Variants in SIK3 observed in about 807,000 individuals in gnomAD.
SIK3 encodes serine/threonine-protein kinase SIK3.
Under a neutral mutation model 144.2 loss-of-function variants are expected in SIK3, and 28 were observed. The ratio of observed to expected loss-of-function variants is 0.19; its 90% confidence interval spans 0.14 to 0.27. The LOEUF is 0.27. SIK3 is among the 10% of genes least tolerant of loss of function. SIK3 has a pLI of 1.00. For synonymous variants in SIK3, 686 were observed against 676.3 expected (o/e 1.01, Z -0.22); for missense variants, 1,319 against 1,776.0 (o/e 0.74, Z 4.62).
chr11:116,977,282 T>C (rs1430301068), intron 1 of SIK3, among the ~76,000 whole-genome samples: 1 of 146,888 alleles, frequency 6.8e-6, no homozygotes, highest in East Asian at 2.1e-4. Flanking sequence ...AGTCTCGTTA[T>C]GTTGCCTGGA....
chr11:116,997,898 C>T (rs1230953215), intron 1 of SIK3, among the ~76,000 whole-genome samples: 1 of 152,154 alleles, frequency 6.6e-6, no homozygotes, highest in African/African-American at 2.4e-5. Flanking sequence ...CTCACTTTGT[C>T]ACCCAGACTG....
rs778295060 is a variant in SIK3, at chr11:116,862,290, A to G, written c.2141T>C (p.Ile714Thr). The G allele has an allele frequency of 1.1e-5, 18 of 1,614,022 alleles. No homozygotes were observed. Among genetic ancestry groups the G allele is most frequent in the South Asian group, 4.4e-5 (4 of 91,074 alleles). ...EQLQKMYGGQ[I>T]DERTLEKTQQ... ...GGTCTTCTCCAGGGTTCTTTCATCA[A>G]TCTGCCCCCCGTACATCTTCTGCAG... The change falls in exon 17 of 25, where the codon ATT (isoleucine) becomes ACT (threonine). Residue 714 changes from isoleucine to threonine, a missense_variant. Coordinates refer to ENST00000445177, the MANE Select transcript of SIK3 (RefSeq NM_001366686.3).
At chr11:117,051,701 G>C (rs1008736717) in intron 1 of SIK3, among the ~76,000 whole-genome samples, 1 of 151,794 alleles carries the variant, frequency 6.6e-6, no homozygotes, top group Non-Finnish European at 1.5e-5. Flanking sequence ...GCTAATTTTT[G>C]TATTTTTAAT....
intron 3 of SIK3, among the ~76,000 whole-genome samples, chr11:116,928,922 A>G (rs910989968): frequency 2.6e-5 from 4 of 152,246 alleles, no homozygotes; most frequent in Non-Finnish European, 5.9e-5. Context: ...TATCGATTTA[A>G]TAGAAGAAAA....
chr11:116,948,391 C>T (rs562502925), intron 3 of SIK3, among the ~76,000 whole-genome samples: 19 of 152,248 alleles, frequency 1.2e-4, no homozygotes, highest in African/African-American at 4.6e-4. Flanking sequence ...GATCCTCCTG[C>T]CTCAGCCTCC....
intron 3 of SIK3, among the ~76,000 whole-genome samples, chr11:116,936,457 T>G (rs12273769): frequency 0.072 from 11,031 of 152,284 alleles, 487 homozygotes; most frequent in Middle Eastern, 0.11. Context: ...ATTACAGGCG[T>G]GAGCCACAGC....
intron 1 of SIK3, among the ~76,000 whole-genome samples, chr11:117,035,491 C>T (rs1235069148): frequency 6.6e-6 from 1 of 152,138 alleles, no homozygotes; most frequent in Non-Finnish European, 1.5e-5. Context: ...GGCTATCCCC[C>T]ATCTGTGATT....
intron 4 of SIK3, among the ~76,000 whole-genome samples, chr11:116,917,924 C>T (rs373290688): frequency 1.3e-4 from 19 of 150,776 alleles, no homozygotes; most frequent in Admixed American, 9.8e-4. Flanking sequence ...TTAAACCATA[C>T]GTTGCTTGAG....
At chr11:117,061,299 T>C (rs1180456526) in intron 1 of SIK3, among the ~76,000 whole-genome samples, 1 of 152,074 alleles carries the variant, frequency 6.6e-6, no homozygotes, top group Non-Finnish European at 1.5e-5. Context: ...GGTATTACCA[T>C]TTGAGTCACA....
At chr11:117,035,718 C>T in intron 1 of SIK3, 2 of 1,018,022 alleles carry the variant, frequency 2.0e-6, no homozygotes, top group South Asian at 2.7e-5. Flanking sequence ...CCATGCCCGG[C>T]TAATTGTTTT....
chr11:117,015,351 G>A (rs1012777671), intron 1 of SIK3, among the ~76,000 whole-genome samples: 1 of 152,014 alleles, frequency 6.6e-6, no homozygotes, highest in Admixed American at 6.6e-5. Context: ...CTGAAGAAAT[G>A]GGAACTCACC....
chr11:116,973,663 T>C (rs1949843912), intron 1 of SIK3, among the ~76,000 whole-genome samples: 1 of 152,226 alleles, frequency 6.6e-6, no homozygotes, highest in Non-Finnish European at 1.5e-5. Context: ...AGCCAGGTGA[T>C]CAAGGTTAGC....
intron 1 of SIK3, among the ~76,000 whole-genome samples, chr11:117,070,595 C>A (rs1262681117): frequency 6.6e-6 from 1 of 151,998 alleles, no homozygotes; most frequent in Non-Finnish European, 1.5e-5. Context: ...GACAGGCGCC[C>A]GCCATCACAC....
intron 1 of SIK3, among the ~76,000 whole-genome samples, chr11:117,041,224 T>C (rs1388746156): frequency 1.3e-5 from 2 of 151,948 alleles, no homozygotes; most frequent in African/African-American, 4.8e-5. Context: ...CTGTAAGAGA[T>C]GGGGAAAAAA....
intron 1 of SIK3, among the ~76,000 whole-genome samples, chr11:117,072,502 A>G (rs1332484831): frequency 6.6e-6 from 1 of 152,252 alleles, no homozygotes; most frequent in African/African-American, 2.4e-5. Context: ...ATTTTCACTA[A>G]GATAGCTATT....
intron 1 of SIK3, among the ~76,000 whole-genome samples, chr11:117,072,162 C>T (rs1350866388): frequency 1.3e-5 from 2 of 152,008 alleles, no homozygotes; most frequent in East Asian, 1.9e-4. Context: ...CCAAGGTGGG[C>T]AGATCACCAG....
intron 4 of SIK3, among the ~76,000 whole-genome samples, chr11:116,902,759 T>C (rs192780647): frequency 6.6e-6 from 1 of 152,308 alleles, no homozygotes; most frequent in South Asian, 2.1e-4. Context: ...AACTCTAAGG[T>C]GTACATTCAA....
intron 1 of SIK3, among the ~76,000 whole-genome samples, chr11:117,053,835 T>TGG (rs1254969208): frequency 3.9e-5 from 6 of 152,144 alleles, no homozygotes; most frequent in African/African-American, 1.2e-4. Context: ...TTTGTAGAGA[T>TGG]GGGGTCTTGC....
Position 116,845,420 on chromosome 11 carries a change from T to C in SIK3, c.*223A>G, listed in dbSNP as rs1941866819. The C allele has an allele frequency of 6.6e-6, 1 of 152,238 alleles. No individual in the cohort carries two copies. The allele number at this position is 152,238 out of a possible 1,614,324, so 9.4% of individuals were successfully genotyped here. On this transcript the variant is annotated 3_prime_UTR_variant, in exon 25 of 25. Transcript: ENST00000445177. The stretch of plus-strand genomic sequence containing the variant: ...CAAAAGATGGAGAACATGGATTTCC[T>C]TCCTGTTTATTTCCTTGGTGACTTG...
Sources: allele counts gnomAD v4.1 joint callset (sites outside exome capture counted in the v4.1 genomes callset), GRCh38; gene constraint gnomAD v4.1.1; transcripts MANE v1.5; gene names NCBI Gene and HGNC (gene_info 2026-07-23, HGNC 2026-07-21).